RYK: variants seen among roughly 807,000 people sequenced by gnomAD.
RYK encodes receptor like tyrosine kinase, also known as inactive tyrosine-protein kinase RYK.
A neutral mutation model predicts 70.2 loss-of-function variants in RYK; 21 were observed. The observed-to-expected ratio is 0.30, with a 90% confidence interval of 0.21 to 0.43. RYK has a LOEUF of 0.43. RYK is among the 20% of genes least tolerant of loss of function. The pLI, the probability that RYK is intolerant of heterozygous loss-of-function variation, is 1.00. For synonymous variants in RYK, 267 were observed against 278.0 expected (o/e 0.96, Z 0.39); for missense variants, 604 against 753.3 (o/e 0.80, Z 2.32).
intron 1 of RYK, among the ~76,000 whole-genome samples, chr3:134,234,962 C>T (rs2015163663): frequency 2.0e-5 from 3 of 152,026 alleles, no homozygotes; most frequent in African/African-American, 7.2e-5. Context: ...ATAGGTACAG[C>T]CATAATTAAT....
chr3:134,222,364 G>C, intron 2 of RYK, 54 bp downstream of exon 2: 2 of 1,605,034 alleles, frequency 1.2e-6, no homozygotes, highest in Non-Finnish European at 1.7e-6. Flanking sequence ...CACAGCCCTT[G>C]CCTCTGTGGC....
intron 7 of RYK, among the ~76,000 whole-genome samples, chr3:134,192,423 T>C (rs922080900): frequency 4.0e-5 from 6 of 148,840 alleles, no homozygotes; most frequent in Admixed American, 3.1e-4. Context: ...ATTTGAAAAG[T>C]TGTTTTGTTT....
intron 1 of RYK, among the ~76,000 whole-genome samples, chr3:134,249,908 TTC>T (rs1468693661): frequency 9.5e-5 from 14 of 147,696 alleles, no homozygotes; most frequent in Admixed American, 7.5e-4. Context: ...CTCCCCTTCT[TTC>T]TCTCTCGTTT....
At chr3:134,187,675 C>T (rs1021200555) in intron 9 of RYK, among the ~76,000 whole-genome samples, 1 of 151,940 alleles carries the variant, frequency 6.6e-6, no homozygotes, top group African/African-American at 2.4e-5. Context: ...CTGCCTCATC[C>T]TCCTGAGTAG....
chr3:134,206,094 T>A (rs2014204407), intron 5 of RYK, among the ~76,000 whole-genome samples: 1 of 152,236 alleles, frequency 6.6e-6, no homozygotes, highest in Non-Finnish European at 1.5e-5. Flanking sequence ...CAGTGACATT[T>A]TTTTTAATGT....
intron 2 of RYK, among the ~76,000 whole-genome samples, chr3:134,216,930 G>A (rs2014573008): frequency 6.6e-6 from 1 of 150,404 alleles, no homozygotes; most frequent in African/African-American, 2.4e-5. Context: ...CTGCTTTTAA[G>A]TGTGTGGTCT....
intron 10 of RYK, chr3:134,180,229 AGC>A (rs2108155342): frequency 6.6e-6 from 1 of 152,306 alleles, no homozygotes; most frequent in African/African-American, 2.4e-5. Flanking sequence ...AAGCAGAAAT[AGC>A]GCAAGAGTAC....
chr3:134,184,766 C>T (rs1340349575), intron 9 of RYK, among the ~76,000 whole-genome samples: 1 of 146,744 alleles, frequency 6.8e-6, no homozygotes, highest in East Asian at 2.1e-4. Flanking sequence ...CCCTGTCTCC[C>T]AAAATAATAA....
intron 5 of RYK, among the ~76,000 whole-genome samples, chr3:134,206,034 A>G (rs1312546343): frequency 6.6e-6 from 1 of 152,238 alleles, no homozygotes; most frequent in Non-Finnish European, 1.5e-5. Flanking sequence ...TCCTACTAGC[A>G]TAAAAGAAAT....
intron 2 of RYK, among the ~76,000 whole-genome samples, chr3:134,212,477 T>C (rs1366409924): frequency 6.6e-6 from 1 of 152,146 alleles, no homozygotes; most frequent in Admixed American, 6.5e-5. Flanking sequence ...TCTCATTCAG[T>C]GGTCACAAAA....
chr3:134,176,327 T>C (rs2013099458), intron 11 of RYK, among the ~76,000 whole-genome samples: 1 of 152,242 alleles, frequency 6.6e-6, no homozygotes, highest in African/African-American at 2.4e-5. Flanking sequence ...AATACATCTG[T>C]TCAGTGAATG....
chr3:134,247,047 A>AG (rs1264578997), intron 1 of RYK, among the ~76,000 whole-genome samples: 1 of 152,218 alleles, frequency 6.6e-6, no homozygotes, highest in African/African-American at 2.4e-5. Context: ...ACACAGCCAA[A>AG]GATAAATAGG....
At chr3:134,196,967 A>C (rs2013837872) in intron 6 of RYK, among the ~76,000 whole-genome samples, 1 of 152,154 alleles carries the variant, frequency 6.6e-6, no homozygotes, top group African/African-American at 2.4e-5. Context: ...GAAGATGTCC[A>C]TCATTTTAGG....
intron 2 of RYK, among the ~76,000 whole-genome samples, chr3:134,216,490 A>G (rs923569734): frequency 3.3e-5 from 5 of 151,972 alleles, no homozygotes; most frequent in African/African-American, 7.3e-5. Flanking sequence ...CGCTTTTCAG[A>G]TATCTAAAAT....
intron 6 of RYK, among the ~76,000 whole-genome samples, chr3:134,199,598 A>G (rs1240961021): frequency 1.3e-5 from 2 of 152,218 alleles, no homozygotes; most frequent in Admixed American, 6.5e-5. Context: ...AAAACACTCA[A>G]TAAATGGTAA....
chr3:134,160,747 C>T (rs1038850734), intron 13 of RYK, among the ~76,000 whole-genome samples: 14 of 152,056 alleles, frequency 9.2e-5, no homozygotes, highest in African/African-American at 2.9e-4. Context: ...CCCAGCTACT[C>T]GGGAGGCTGA....
At chr3:134,233,123 A>G (rs550700727) in intron 1 of RYK, among the ~76,000 whole-genome samples, 1 of 152,298 alleles carries the variant, frequency 6.6e-6, no homozygotes, top group Non-Finnish European at 1.5e-5. Context: ...CTATATGTTA[A>G]TATCTCTCAC....
At chr3:134,231,708 CATTCTCTT>C (rs1405052756) in intron 1 of RYK, among the ~76,000 whole-genome samples, 3 of 152,148 alleles carry the variant, frequency 2.0e-5, no homozygotes, top group Non-Finnish European at 4.4e-5. Context: ...CCAAAGGGCC[CATTCTCTT>C]ACCCTCAGTG....
intron 5 of RYK, among the ~76,000 whole-genome samples, chr3:134,204,591 C>CCACACACACACACACA (rs59154111): frequency 5.7e-5 from 8 of 140,692 alleles, no homozygotes; most frequent in South Asian, 2.4e-4. Context: ...ACAGCCACAG[C>CCACACACACACACACA]CACACACACA....
Sources: gnomAD v4.1 joint callset for allele counts (sites outside exome capture counted in the v4.1 genomes callset) on GRCh38, gnomAD v4.1.1 for gene constraint, MANE v1.5 for transcripts, NCBI Gene and HGNC (gene_info 2026-07-23, HGNC 2026-07-21) for gene names.